The following BBS4 variants were observed in gnomAD, a reference collection of about 807,000 sequenced individuals.
BBS4 encodes the protein BBSome complex member BBS4.
In BBS4, 58 loss-of-function variants were observed where a neutral mutation model predicts 71.4. The observed-to-expected ratio is 0.81, with a 90% CI of 0.66 to 1.01. The LOEUF is 1.01. BBS4 is among the 50% of genes least tolerant of loss of function. The probability of loss-of-function intolerance (pLI) is 0.00; values close to 1 mark genes in which losing one functional copy is unlikely to be tolerated. For synonymous variants in BBS4, 228 were observed against 216.8 expected (o/e 1.05, Z -0.46); for missense variants, 660 against 607.9 (o/e 1.09, Z -0.90).
chr15:72,722,739 A>C (rs1369557130), intron 6 of BBS4, 55 bp from the exon 7 acceptor site: 1 of 1,506,012 alleles, frequency 6.6e-7, no homozygotes, highest in Non-Finnish European at 9.2e-7. Flanking sequence ...GTTTCACTCT[A>C]ATACTTACTG....
At chr15:72,730,204 G>A (rs2151044902) in intron 10 of BBS4, among the ~76,000 whole-genome samples, 1 of 152,078 alleles carries the variant, frequency 6.6e-6, no homozygotes, top group African/African-American at 2.4e-5. Flanking sequence ...GTGAACCCGG[G>A]AGGCAGAGCT....
chr15:72,712,373 C>T, intron 4 of BBS4, 66 bp downstream of exon 4: 3 of 1,471,984 alleles, frequency 2.0e-6, no homozygotes, highest in Non-Finnish European at 2.8e-6. Flanking sequence ...TGAAAAAGAT[C>T]AGGCAATTGA....
In BBS4 at chr15:72,727,978, G is replaced by GATT; in HGVS notation, c.628_630dup (p.Leu211dup). 1 of 1,612,148 alleles carries GATT rather than the reference G, an allele frequency of 6.2e-7. No individual in the cohort carries two copies. ...AATACAGAGCTTCTTACAACTTTAG[G>GATT]ATTACTCTACTTACAGGTAATGAAA... On this transcript the variant is annotated inframe_insertion, in exon 9 of 16. Transcript: ENST00000268057.
chr15:72,713,839 A>G (rs1353931392), intron 4 of BBS4, among the ~76,000 whole-genome samples: 8 of 152,230 alleles, frequency 5.3e-5, no homozygotes. Context: ...CCAAAATGTC[A>G]TTACAGGTGC....
chr15:72,707,970 ATTT>A (rs11331269), intron 2 of BBS4, among the ~76,000 whole-genome samples: 16 of 142,854 alleles, frequency 1.1e-4, no homozygotes, highest in Non-Finnish European at 1.9e-4. Context: ...ATCAGATGTG[ATTT>A]TTTTTTTTTT....
At chr15:72,736,998 G>T in intron 15 of BBS4, 35 bp downstream of exon 15, 1 of 1,604,234 alleles carries the variant, frequency 6.2e-7, no homozygotes, top group Non-Finnish European at 8.5e-7. Context: ...AGACCTGGCA[G>T]GTACAAGCCA....
chr15:72,717,219 C>A (rs1248075384), intron 6 of BBS4: 2 of 222,976 alleles, frequency 9.0e-6, no homozygotes, highest in African/African-American at 4.7e-5. Flanking sequence ...TTGACTCTTT[C>A]ATTCTGAAGA....
intron 2 of BBS4, among the ~76,000 whole-genome samples, chr15:72,709,209 T>C (rs933238014): frequency 1.3e-5 from 2 of 152,240 alleles, no homozygotes; most frequent in African/African-American, 4.8e-5. Flanking sequence ...GTCCTACCGA[T>C]ATATGTGAGG....
At chr15:72,736,328 G>A (rs560601739) in intron 14 of BBS4, among the ~76,000 whole-genome samples, 4 of 142,238 alleles carry the variant, frequency 2.8e-5, no homozygotes, top group African/African-American at 1.1e-4. Context: ...TGCAACCTCC[G>A]CCTCCTGGGT....
intron 10 of BBS4, among the ~76,000 whole-genome samples, chr15:72,730,464 C>T (rs2065793983): frequency 1.3e-5 from 2 of 152,046 alleles, no homozygotes; most frequent in East Asian, 1.9e-4. Context: ...TGGTGGCACA[C>T]ACCTGTAGTC....
intron 7 of BBS4, 57 bp from the exon 8 acceptor site, chr15:72,724,471 G>A (rs2065630921): frequency 6.2e-7 from 1 of 1,609,008 alleles, no homozygotes; most frequent in South Asian, 1.1e-5. Flanking sequence ...GCCATATAAA[G>A]GTATAGTTCG....
At chr15:72,719,958 T>C (rs1259653199) in intron 6 of BBS4, among the ~76,000 whole-genome samples, 1 of 151,318 alleles carries the variant, frequency 6.6e-6, no homozygotes, top group East Asian at 1.9e-4. Flanking sequence ...ACCATGTTGG[T>C]CAGGCTGGTC....
chr15:72,704,379 A>G lies in BBS4; in HGVS notation c.77-5321A>G, dbSNP rs931287225. On this transcript the variant is annotated intron_variant, in intron 2 of 15. Transcript: ENST00000268057. ...GAGGATCTTTCAACTAGTAATTCTC[A>G]TAATACCTGTGAAAGCATATAAGAA... 4.3e-6 allele frequency: 5 copies of G among 1,153,644 alleles called. No homozygotes were observed. In the African/African-American group the frequency reaches 4.8e-5, roughly 11 times the overall value. The allele number at this position is 1,153,644 out of a possible 1,614,324, so 71.5% of individuals were successfully genotyped here.
At chr15:72,731,761 A>G (rs1280478737) in intron 12 of BBS4, 35 bp downstream of exon 12, 2 of 1,611,906 alleles carry the variant, frequency 1.2e-6, no homozygotes, top group African/African-American at 2.7e-5. Flanking sequence ...TCTCTCTGCC[A>G]TCTGTAATGA....
At chr15:72,702,552 C>CT (rs58374400) in intron 2 of BBS4, among the ~76,000 whole-genome samples, 2 of 151,832 alleles carry the variant, frequency 1.3e-5, no homozygotes, top group African/African-American at 4.8e-5. Context: ...TTTTATATGA[C>CT]TTTTTTCTTC....
chr15:72,730,226 G>A (rs1211212773), intron 10 of BBS4, among the ~76,000 whole-genome samples: 19 of 151,022 alleles, frequency 1.3e-4, no homozygotes, highest in Admixed American at 1.2e-3. Context: ...GCAGTGAGCT[G>A]AGATCACGCG....
chr15:72,697,713 A>C (rs2065100223), intron 2 of BBS4, among the ~76,000 whole-genome samples: 1 of 152,160 alleles, frequency 6.6e-6, no homozygotes, highest in Non-Finnish European at 1.5e-5. Flanking sequence ...AGGCATTTTG[A>C]CTGAGAATGG....
At chr15:72,693,390 G>T (rs2065020574) in intron 1 of BBS4, among the ~76,000 whole-genome samples, 1 of 152,098 alleles carries the variant, frequency 6.6e-6, no homozygotes, top group Admixed American at 6.5e-5. Context: ...TTAAAAATTT[G>T]CCTTTGTTGT....
Position 72,735,846 on chromosome 15 carries a change from G to C in BBS4, c.1128G>C (p.Leu376=), listed in dbSNP as rs1315860695. 3.1e-6 allele frequency: 5 copies of C among 1,613,978 alleles called. No homozygotes were observed. The highest frequency in any genetic ancestry group is 1.6e-4 in the Middle Eastern group (1 of 6,084). ...ACAGGTGTAACCCTTTAGTAAACCT[G>C]AACTATGCTGTGCTGCTGTACAACC... is the stretch of plus-strand genomic sequence containing the variant. ...HLDKCNPLVN[L]NYAVLLYNQG... The change falls in exon 14 of 16, where the codon CTG becomes CTC. Residue 376 remains leucine, a synonymous_variant. Transcript: ENST00000268057.
Sources: allele counts gnomAD v4.1 joint callset (sites outside exome capture counted in the v4.1 genomes callset), GRCh38; gene constraint gnomAD v4.1.1; transcripts MANE v1.5; gene names NCBI Gene and HGNC (gene_info 2026-07-23, HGNC 2026-07-21).